The following SLC44A1 variants were observed in gnomAD, a reference collection of about 807,000 sequenced individuals.
SLC44A1 encodes the protein choline transporter-like protein 1.
In SLC44A1, 26 loss-of-function variants were observed where a neutral mutation model predicts 79.3. That is an observed-to-expected ratio of 0.33 (90% CI 0.24 to 0.46). The LOEUF (loss-of-function observed/expected upper bound fraction) is 0.46. Among genes scored for constraint, SLC44A1 ranks in the 20% least tolerant of loss-of-function variants. SLC44A1 has a pLI of 1.00. For missense variants in SLC44A1, 688 were observed against 798.1 expected, an observed-to-expected ratio of 0.86 and a Z score of 1.66; for synonymous variants, 263 against 286.2, an observed-to-expected ratio of 0.92 and a Z score of 0.82.
At chr9:105,436,796 T>C (rs1829468867) in intron 15 of SLC44A1, among the ~76,000 whole-genome samples, 1 of 152,160 alleles carries the variant, frequency 6.6e-6, no homozygotes, top group African/African-American at 2.4e-5. Flanking sequence ...TACTAAAATC[T>C]CAAGAATAAA....
chr9:105,378,789 A>G (rs1828372148), intron 13 of SLC44A1, among the ~76,000 whole-genome samples: 1 of 152,180 alleles, frequency 6.6e-6, no homozygotes, highest in East Asian at 1.9e-4. Flanking sequence ...GTTTTTCATT[A>G]CAATTCAATG....
In SLC44A1 at chr9:105,395,184, CCA is replaced by C. The variant is rs1305944087; in HGVS notation, c.*6132_*6133del. On this transcript the variant is annotated 3_prime_UTR_variant, in exon 16 of 16. Coordinates refer to ENST00000374720, the MANE Select transcript of SLC44A1 (RefSeq NM_080546.5). The stretch of plus-strand genomic sequence containing the variant: ...AGAAAAGTCAGCCCCCTACCCCACC[CCA>C]CACTCCTAGAAAAGTTTGGGGGTTT... The C allele has an allele frequency of 1.4e-5, 14 of 985,224 alleles. No individual in the cohort carries two copies. Among genetic ancestry groups the C allele is most frequent in the Non-Finnish European group, 1.7e-5 (14 of 829,876 alleles). 61.0% of individuals were successfully genotyped at this position (985,224 alleles called of 1,614,324 possible).
At chr9:105,314,302 A>G (rs1330292432) in intron 3 of SLC44A1, among the ~76,000 whole-genome samples, 1 of 152,194 alleles carries the variant, frequency 6.6e-6, no homozygotes, top group African/African-American at 2.4e-5. Context: ...ATGGGAGAAG[A>G]TATGGCAAAG....
At chr9:105,380,699 T>C (rs1010651810) in intron 13 of SLC44A1, among the ~76,000 whole-genome samples, 1 of 152,206 alleles carries the variant, frequency 6.6e-6, no homozygotes, top group Admixed American at 6.5e-5. Context: ...TCCTGTTAAA[T>C]ACTCCCTAGG....
At chr9:105,398,051 G>A (rs902228744), downstream of SLC44A1, among the ~76,000 whole-genome samples, 2 of 152,232 alleles carry the variant, frequency 1.3e-5, no homozygotes, top group South Asian at 4.1e-4. Flanking sequence ...CACGTGAATT[G>A]GAGCCTGGAT....
At position 105,383,154 on chromosome 9, in the gene SLC44A1, G is replaced by T; in HGVS notation, c.1664G>T (p.Gly555Val). 1 of 1,613,976 alleles carries T rather than the reference G, an allele frequency of 6.2e-7. No individual in the cohort carries two copies. Among genetic ancestry groups the T allele is most frequent in the Non-Finnish European group, 8.5e-7 (1 of 1,179,910 alleles). ...ATAGTCTGCAGCACAGGTTTAGCTG[G>T]GATTATGCTGCTCAACTACCAGCAG... ...VLIVCSTGLA[G>V]IMLLNYQQDY... Residue 555 changes from glycine to valine, a missense_variant, in exon 14 of 16, where the codon GGG becomes GTG. By Grantham distance (109) the Gly-to-Val change is moderately radical. Coordinates refer to ENST00000374720, the MANE Select transcript of SLC44A1 (RefSeq NM_080546.5).
chr9:105,412,403 T>A (rs937362174), intron 15 of SLC44A1, among the ~76,000 whole-genome samples: 4 of 152,232 alleles, frequency 2.6e-5, no homozygotes, highest in Non-Finnish European at 2.9e-5. Flanking sequence ...CCTTATTCAC[T>A]GACGCAACCA....
Position 105,390,575 on chromosome 9 carries a change from T to C in SLC44A1, c.*1519T>C. Reference sequence around the variant, plus strand: ...TGCATACAAGTAATGTCACTAGGGCTTAATAAGCAGCCGTTTGCTAATGTG... The same window carrying C: ...TGCATACAAGTAATGTCACTAGGGCCTAATAAGCAGCCGTTTGCTAATGTG... On this transcript the variant is annotated 3_prime_UTR_variant, in exon 16 of 16. Transcript: ENST00000374720. The C allele has an allele frequency of 1.0e-6, 1 of 985,826 alleles. No homozygotes were observed. Among genetic ancestry groups the C allele is most frequent in the Non-Finnish European group, 1.2e-6 (1 of 829,926 alleles). The allele number at this position is 985,826 out of a possible 1,614,324, so 61.1% of individuals were successfully genotyped here. A position where few individuals can be genotyped will look rare whatever the true frequency, so the allele number is the denominator to read the frequency against.
intron 15 of SLC44A1, among the ~76,000 whole-genome samples, chr9:105,387,060 A>AAAATATAT (rs34780893): frequency 9.1e-4 from 7 of 7,734 alleles, no homozygotes; most frequent in African/African-American, 2.4e-3. Context: ...AAAAAAAAAA[A>AAAATATAT]ATATATATAT....
At chr9:105,280,999 C>T (rs1329907815) in intron 1 of SLC44A1, among the ~76,000 whole-genome samples, 1 of 152,212 alleles carries the variant, frequency 6.6e-6, no homozygotes, top group African/African-American at 2.4e-5. Context: ...TCACCCAGCC[C>T]ACCGAGGTGA....
chr9:105,434,308 TCC>T (rs941919987), intron 15 of SLC44A1, among the ~76,000 whole-genome samples: 1 of 151,838 alleles, frequency 6.6e-6, no homozygotes, highest in Non-Finnish European at 1.5e-5. Context: ...ACCACTGCAC[TCC>T]AGCCTGGGTG....
chr9:105,284,953 TTCTGTC>T (rs1830440813), intron 1 of SLC44A1, among the ~76,000 whole-genome samples: 1 of 152,216 alleles, frequency 6.6e-6, no homozygotes, highest in African/African-American at 2.4e-5. Flanking sequence ...AACTCCCACT[TTCTGTC>T]TCTATAGATT....
At chr9:105,370,679 T>C (rs111707060) in intron 12 of SLC44A1, among the ~76,000 whole-genome samples, 189 of 152,324 alleles carry the variant, frequency 1.2e-3, no homozygotes, top group Middle Eastern at 3.4e-3. Context: ...GTGTTGGGCA[T>C]TCTCCTCGTG....
chr9:105,289,275 TAGACGATAAAGTGGGA>T (rs1166209440), intron 1 of SLC44A1, among the ~76,000 whole-genome samples: 1 of 152,206 alleles, frequency 6.6e-6, no homozygotes. Flanking sequence ...TGTCCCCAAG[TAGACGATAAAGTGGGA>T]AGACTGAACA....
At chr9:105,325,013 AG>A (rs1187159412) in intron 3 of SLC44A1, among the ~76,000 whole-genome samples, 16 of 152,224 alleles carry the variant, frequency 1.1e-4, no homozygotes, top group African/African-American at 3.9e-4. Context: ...TCTACCCAAG[AG>A]AACTAAAAAC....
chr9:105,247,151 TAA>T, intron 1 of SLC44A1, among the ~76,000 whole-genome samples: 1 of 152,034 alleles, frequency 6.6e-6, no homozygotes, highest in Non-Finnish European at 1.5e-5. Flanking sequence ...GAAATGTTAC[TAA>T]TCGGCTGGTA....
chr9:105,361,481 A>G (rs1265892222), intron 8 of SLC44A1, 151 bp downstream of exon 8: 2 of 706,870 alleles, frequency 2.8e-6, no homozygotes, highest in Non-Finnish European at 4.6e-6. Flanking sequence ...AACACTAAAA[A>G]GTCTCTTGAA....
Position 105,392,482 on chromosome 9 carries a change from T to A in SLC44A1, c.*3426T>A, listed in dbSNP as rs1417790941. ...TAAGTTATTTCCAATACCACTGATC[T>A]TGGTATCTGCCAAGGGCTTCCTTGC... On this transcript the variant is annotated 3_prime_UTR_variant, in exon 16 of 16. Coordinates refer to ENST00000374720, the MANE Select transcript of SLC44A1 (RefSeq NM_080546.5). 1.0e-6 allele frequency: 1 copy of A among 982,512 alleles called. No homozygotes were observed. Among genetic ancestry groups the A allele is most frequent in the African/African-American group, 1.8e-5 (1 of 56,240 alleles). 60.9% of individuals were successfully genotyped at this position (982,512 alleles called of 1,614,324 possible). A position where few individuals can be genotyped will look rare whatever the true frequency, so the allele number is the denominator to read the frequency against.
Position 105,422,056 on chromosome 9 carries a change from T to G in SLC44A1, c.1951-16225T>G, listed in dbSNP as rs1282110598. 3.3e-5 allele frequency among the ~76,000 whole-genome samples: 5 copies of G among 152,074 alleles called. No individual in the cohort carries two copies. The East Asian group carries it at 9.7e-4, about 29-fold the overall frequency. The stretch of plus-strand genomic sequence containing the variant: ...AGTTGAGAGAGGTGACAGCGTTAGG[T>G]TGGACTCTCCTACCTGAGTGATGAC... On this transcript the variant is annotated intron_variant, in intron 15 of 15. Transcript: ENST00000374724.
Sources: allele counts gnomAD v4.1 joint callset (sites outside exome capture counted in the v4.1 genomes callset), GRCh38; gene constraint gnomAD v4.1.1; transcripts MANE v1.5; gene names NCBI Gene and HGNC (gene_info 2026-07-23, HGNC 2026-07-21).